Variants in EPHB1 observed in about 807,000 individuals in gnomAD.
EPHB1 encodes the protein EPH receptor B1, also known as ephrin type-B receptor 1.
In EPHB1, 30 loss-of-function variants were observed where a neutral mutation model predicts 94.4. The observed-to-expected ratio is 0.32, with a 90% CI of 0.24 to 0.43. EPHB1 has a LOEUF of 0.43. EPHB1 is among the 20% of genes least tolerant of loss of function. The pLI, the probability that EPHB1 is intolerant of heterozygous loss-of-function variation, is 1.00. For missense variants in EPHB1, 1,055 were observed against 1,308.3 expected (o/e 0.81, Z 2.99); for synonymous variants, 522 against 489.1 (o/e 1.07, Z -0.89).
intron 1 of EPHB1, among the ~76,000 whole-genome samples, chr3:134,901,222 G>A (rs969373901): frequency 6.6e-6 from 1 of 152,036 alleles, no homozygotes; most frequent in Admixed American, 6.5e-5. Flanking sequence ...CCCAGTCAGT[G>A]TTTAGATTTT....
chr3:135,019,685 T>C (rs1009404983), intron 3 of EPHB1, among the ~76,000 whole-genome samples: 4 of 152,250 alleles, frequency 2.6e-5, no homozygotes, highest in Non-Finnish European at 5.9e-5. Flanking sequence ...TACATTGTGA[T>C]CGTTTTCCCT....
intron 10 of EPHB1, among the ~76,000 whole-genome samples, chr3:135,183,026 T>TTTTCTTTTCTTTTCTTTCTTTC (rs1553745483): frequency 1.1e-4 from 10 of 94,682 alleles, no homozygotes; most frequent in East Asian, 8.2e-4. Flanking sequence ...TTTTCTTTTC[T>TTTTCTTTTCTTTTCTTTCTTTC]TTTCTTTCTT....
chr3:135,032,327 A>G (rs1936504255), intron 3 of EPHB1, among the ~76,000 whole-genome samples: 1 of 144,638 alleles, frequency 6.9e-6, no homozygotes, highest in African/African-American at 2.6e-5. Flanking sequence ...TCATAAAACT[A>G]TTTTATTGAT....
chr3:134,932,257 G>A (rs755629150), intron 2 of EPHB1, among the ~76,000 whole-genome samples: 1 of 152,108 alleles, frequency 6.6e-6, no homozygotes, highest in Non-Finnish European at 1.5e-5. Context: ...GTGCCGGTGC[G>A]CAGGCTGAAT....
chr3:135,052,626 C>T (rs951647337), intron 3 of EPHB1, among the ~76,000 whole-genome samples: 1 of 151,198 alleles, frequency 6.6e-6, no homozygotes, highest in Non-Finnish European at 1.5e-5. Flanking sequence ...CTTTGGGAGG[C>T]CGAGGCGGGC....
chr3:134,912,391 C>T (rs907009740), intron 1 of EPHB1, among the ~76,000 whole-genome samples: 4 of 152,194 alleles, frequency 2.6e-5, no homozygotes, highest in African/African-American at 2.4e-5. Flanking sequence ...TTGACTCTCA[C>T]CACAAAAATG....
intron 3 of EPHB1, among the ~76,000 whole-genome samples, chr3:135,034,337 C>T (rs143651987): frequency 2.1e-3 from 319 of 152,292 alleles, no homozygotes; most frequent in Middle Eastern, 6.8e-3. Flanking sequence ...AAAATATGCA[C>T]CTCCCGTTCA....
chr3:134,810,981 C>A (rs973894062), intron 1 of EPHB1, among the ~76,000 whole-genome samples: 3 of 152,132 alleles, frequency 2.0e-5, no homozygotes. Context: ...CTGCTTTTCC[C>A]CAGAAGGGGA....
chr3:135,170,032 A>G (rs943840117), intron 9 of EPHB1, among the ~76,000 whole-genome samples: 1 of 152,238 alleles, frequency 6.6e-6, no homozygotes, highest in Non-Finnish European at 1.5e-5. Context: ...ATCCACAGGC[A>G]TGAACTTCTG....
intron 3 of EPHB1, among the ~76,000 whole-genome samples, chr3:135,066,177 A>C (rs1937578127): frequency 6.6e-6 from 1 of 152,218 alleles, no homozygotes; most frequent in African/African-American, 2.4e-5. Flanking sequence ...CAATGTGCCT[A>C]GGCAATGATC....
intron 3 of EPHB1, among the ~76,000 whole-genome samples, chr3:135,052,505 A>G (rs1241146427): frequency 6.6e-6 from 1 of 152,094 alleles, no homozygotes; most frequent in African/African-American, 2.4e-5. Flanking sequence ...AGGCTCTGAC[A>G]GCACTGTGGC....
intron 3 of EPHB1, among the ~76,000 whole-genome samples, chr3:135,092,766 C>T (rs1220508797): frequency 6.6e-6 from 1 of 152,192 alleles, no homozygotes; most frequent in Non-Finnish European, 1.5e-5. Context: ...GCTGGGACTA[C>T]AGGCATGCGC....
rs36107 is a variant in EPHB1 at position 134,983,070 on chromosome 3, A to G, written c.805+31018A>G. Among the ~76,000 whole-genome samples the G allele has an allele frequency of 3.4e-3, 511 of 152,320 alleles. 3 individuals are homozygous for G. Among genetic ancestry groups the G allele is most frequent in the African/African-American group, 0.012 (489 of 41,558 alleles). On this transcript the variant is annotated intron_variant, in intron 3 of 15. Coordinates refer to ENST00000398015, the MANE Select transcript of EPHB1 (RefSeq NM_004441.5). ...AGACTGTGTCCTATATATCGATATA[A>G]GGCTTGGAGTAACCTAGATTCATGT...
At chr3:135,180,061 A>C in intron 10 of EPHB1, 79 bp downstream of exon 10, 1 of 1,550,108 alleles carries the variant, frequency 6.5e-7, no homozygotes, top group Non-Finnish European at 8.8e-7. Context: ...GGTCTCTTTC[A>C]GTATGAAAAG....
At position 135,183,047 on chromosome 3, in the gene EPHB1, TTTCTTTC is replaced by T. The variant is rs1559865379; in HGVS notation, c.1882+3068_1882+3074del. Among the ~76,000 whole-genome samples the T allele has an allele frequency of 8.4e-3, 840 of 99,664 alleles. 4 individuals are homozygous for T. Among genetic ancestry groups the T allele is most frequent in the South Asian group, 0.02 (61 of 2,984 alleles). 65.4% of individuals were successfully genotyped at this position (99,664 alleles called of 152,430 possible). On this transcript the variant is annotated intron_variant, in intron 10 of 15. Coordinates refer to ENST00000398015, the MANE Select transcript of EPHB1 (RefSeq NM_004441.5). ...TTTCTTTTCTTTCTTTCTTTCTTTC[TTTCTTTC>T]TTTCTTTCTTTCTTTCTTTCTTTCT...
intron 1 of EPHB1, among the ~76,000 whole-genome samples, chr3:134,809,075 A>G (rs899483741): frequency 5.3e-5 from 8 of 152,170 alleles, no homozygotes; most frequent in African/African-American, 1.7e-4. Context: ...CTTTTTCACT[A>G]TTTCAATCAT....
intron 4 of EPHB1, among the ~76,000 whole-genome samples, chr3:135,118,196 C>T (rs1044299356): frequency 5.9e-5 from 9 of 152,170 alleles, no homozygotes; most frequent in Non-Finnish European, 1.0e-4. Context: ...TACCCACACC[C>T]GTCTGCACAG....
chr3:135,167,798 C>T (rs1427667425), intron 9 of EPHB1, among the ~76,000 whole-genome samples: 1 of 152,194 alleles, frequency 6.6e-6, no homozygotes, highest in African/African-American at 2.4e-5. Context: ...TCTGTCCCAG[C>T]ACTGTGTGCT....
At position 135,166,065 on chromosome 3, in the gene EPHB1, C is replaced by A. The variant is rs192495343; in HGVS notation, c.1683C>A (p.Ile561=). ...VFVVSLVAIS[I]VCSRKRAYSK... ...TTGTGTCCTTGGTGGCCATCTCTAT[C>A]GTCTGTAGCAGGTAGGTCCTCCACT... The change falls in exon 8 of 16, where the codon ATC becomes ATA. Residue 561 remains isoleucine, a synonymous_variant. Transcript: ENST00000398015. 6.2e-7 allele frequency: 1 copy of A among 1,613,628 alleles called. No individual in the cohort carries two copies. The highest frequency in any genetic ancestry group is 1.1e-5 in the South Asian group (1 of 91,076).
Sources: gnomAD v4.1 joint callset for allele counts (sites outside exome capture counted in the v4.1 genomes callset) on GRCh38, gnomAD v4.1.1 for gene constraint, MANE v1.5 for transcripts, NCBI Gene and HGNC (gene_info 2026-07-23, HGNC 2026-07-21) for gene names.